The following UNC13C variants were observed in gnomAD, a reference collection of about 807,000 sequenced individuals.
The protein encoded by UNC13C is unc-13 homolog C, also known as protein unc-13 homolog C.
UNC13C carries 174 observed loss-of-function variants against 245.4 expected under a neutral mutation model. The observed-to-expected ratio is 0.71, with a 90% CI of 0.63 to 0.80. The LOEUF (loss-of-function observed/expected upper bound fraction) is 0.80. UNC13C is among the 30% of genes least tolerant of loss of function. The pLI is 0.00. For missense variants in UNC13C, 2,829 were observed against 2,602.9 expected, an observed-to-expected ratio of 1.09 and a Z score of -1.89; for synonymous variants, 992 against 895.1, an observed-to-expected ratio of 1.11 and a Z score of -1.93.
At chr15:54,035,313 A>G (rs1169252263) in intron 2 of UNC13C, among the ~76,000 whole-genome samples, 1 of 152,226 alleles carries the variant, frequency 6.6e-6, no homozygotes, top group African/African-American at 2.4e-5. Context: ...ATGATTACAT[A>G]TACACACTGT....
intron 30 of UNC13C, among the ~76,000 whole-genome samples, chr15:54,579,917 T>C (rs1450562129): frequency 1.3e-5 from 2 of 152,232 alleles, no homozygotes; most frequent in Non-Finnish European, 2.9e-5. Context: ...TTGAAAATTG[T>C]GTAATACCTT....
the UNC13C span, among the ~76,000 whole-genome samples, chr15:53,880,690 T>G: frequency 2.0e-5 from 3 of 148,088 alleles, no homozygotes; most frequent in South Asian, 2.2e-4. Flanking sequence ...CAAGTTGCTT[T>G]GTCATCTTTT....
chr15:54,491,116 C>G (rs930558548), intron 19 of UNC13C, among the ~76,000 whole-genome samples: 10 of 152,166 alleles, frequency 6.6e-5, no homozygotes. Flanking sequence ...CAACCTGGGG[C>G]AAGAGACACA....
chr15:54,256,025 G>T (rs940528190), intron 8 of UNC13C, among the ~76,000 whole-genome samples: 8 of 152,250 alleles, frequency 5.3e-5, no homozygotes, highest in Admixed American at 3.3e-4. Flanking sequence ...ATACTCAATG[G>T]ATATCAATGC....
In UNC13C at chr15:54,015,457, G is replaced by A; in HGVS notation, c.2554G>A (p.Val852Ile). ...NESSTTLDSDVYTEPYYYKAE... is the reference protein window; with the variant it reads ...NESSTTLDSDIYTEPYYYKAE... The stretch of plus-strand genomic sequence containing the variant: ...GTCAAGTACCACACTTGACTCTGAT[G>A]TCTACACGGAGCCCTATTACTATAA... Residue 852 changes from valine (V) to isoleucine (I), a missense_variant, in exon 2 of 33, where the codon GTC becomes ATC. Physicochemically the swap from Val to Ile is conservative, Grantham distance 29. Coordinates refer to ENST00000260323, the MANE Select transcript of UNC13C (RefSeq NM_001080534.3). The A allele has an allele frequency of 6.2e-7, 1 of 1,613,624 alleles. No individual in the cohort carries two copies. The highest frequency in any genetic ancestry group is 8.5e-7 in the Non-Finnish European group (1 of 1,179,808).
intron 2 of UNC13C, among the ~76,000 whole-genome samples, chr15:54,033,524 A>G (rs966972786): frequency 3.3e-5 from 5 of 152,152 alleles, no homozygotes; most frequent in Non-Finnish European, 7.3e-5. Flanking sequence ...GCAAAATTTT[A>G]TATACACACA....
the UNC13C span, among the ~76,000 whole-genome samples, chr15:53,908,604 A>G: frequency 2.1e-5 from 3 of 142,320 alleles, no homozygotes; most frequent in African/African-American, 7.8e-5. Context: ...CACAAAACAT[A>G]CAAACCCAGG....
chr15:53,978,322 C>A (rs1164293300), upstream of UNC13C, among the ~76,000 whole-genome samples: 3 of 151,954 alleles, frequency 2.0e-5, no homozygotes, highest in African/African-American at 7.2e-5. Flanking sequence ...CAGTGCGTCT[C>A]CTGTGAGCAG....
Position 54,356,182 on chromosome 15 carries a change from A to G in UNC13C, c.4713+17693A>G, listed in dbSNP as rs149036479. 7.9e-5 allele frequency among the ~76,000 whole-genome samples: 12 copies of G among 152,334 alleles called. No homozygotes were observed. The East Asian group carries it at 2.3e-3, about 29-fold the overall frequency. ...AGGTTATGTTTTCACAAATGATGCT[A>G]GAAAGACATGATATATATCTTTTTG... On this transcript the variant is annotated intron_variant, in intron 17 of 32. Transcript: ENST00000260323.
intron 1 of UNC13C, among the ~76,000 whole-genome samples, chr15:54,005,091 C>T (rs1442844800): frequency 1.3e-5 from 2 of 152,094 alleles, no homozygotes; most frequent in Non-Finnish European, 2.9e-5. Context: ...CTCTACTCTC[C>T]CTCCAAGTCC....
intron 25 of UNC13C, among the ~76,000 whole-genome samples, chr15:54,529,649 A>C (rs1227576622): frequency 6.6e-6 from 1 of 152,206 alleles, no homozygotes; most frequent in South Asian, 2.1e-4. Flanking sequence ...GAACATTCCT[A>C]AACTTCTACT....
chr15:54,479,980 A>G (rs1893011560), intron 19 of UNC13C, among the ~76,000 whole-genome samples: 2 of 151,982 alleles, frequency 1.3e-5, no homozygotes, highest in Admixed American at 1.3e-4. Flanking sequence ...TTTCTTTTGC[A>G]CTTGGGATAT....
At chr15:54,395,941 G>C (rs1241868899) in intron 18 of UNC13C, among the ~76,000 whole-genome samples, 20 of 151,494 alleles carry the variant, frequency 1.3e-4, no homozygotes, top group Admixed American at 1.3e-3. Context: ...GTGTTTATTT[G>C]AGTAATATTT....
chr15:54,066,672 C>T (rs1898090830), intron 2 of UNC13C, among the ~76,000 whole-genome samples: 1 of 152,076 alleles, frequency 6.6e-6, no homozygotes, highest in African/African-American at 2.4e-5. Flanking sequence ...GATTTCTAGG[C>T]AGTTCATGAA....
intron 2 of UNC13C, among the ~76,000 whole-genome samples, chr15:54,061,493 G>T (rs1422537427): frequency 6.6e-6 from 1 of 152,146 alleles, no homozygotes; most frequent in South Asian, 2.1e-4. Context: ...TTGAAGTTGG[G>T]TTGGAGCACA....
At chr15:54,300,484 T>C in intron 13 of UNC13C, 111 bp downstream of exon 13, 1 of 1,104,908 alleles carries the variant, frequency 9.1e-7, no homozygotes, top group Non-Finnish European at 1.3e-6. Flanking sequence ...AAGAGGATTA[T>C]ATTTCACTGT....
At chr15:54,306,383 A>G (rs2037724098) in intron 13 of UNC13C, among the ~76,000 whole-genome samples, 1 of 151,952 alleles carries the variant, frequency 6.6e-6, no homozygotes, top group Non-Finnish European at 1.5e-5. Flanking sequence ...TTTCTAACTA[A>G]TGATAGTAAG....
chr15:54,446,384 C>T (rs1041676277), intron 19 of UNC13C, among the ~76,000 whole-genome samples: 1 of 152,140 alleles, frequency 6.6e-6, no homozygotes, highest in Non-Finnish European at 1.5e-5. Flanking sequence ...TTACCTTAGG[C>T]AGTATGGCCA....
At chr15:54,549,569 T>C in intron 27 of UNC13C, 66 bp from the exon 28 acceptor site, 1 of 1,215,298 alleles carries the variant, frequency 8.2e-7, no homozygotes, top group Non-Finnish European at 1.2e-6. Context: ...GTTGACTGCA[T>C]TTCTATTGTG....
Sources: allele counts gnomAD v4.1 joint callset (sites outside exome capture counted in the v4.1 genomes callset), GRCh38; gene constraint gnomAD v4.1.1; transcripts MANE v1.5; gene names NCBI Gene and HGNC (gene_info 2026-07-23, HGNC 2026-07-21).